Variants in CEBPZ observed in about 807,000 individuals in gnomAD.
The protein encoded by CEBPZ is CCAAT/enhancer-binding protein zeta.
CEBPZ carries 78 observed loss-of-function variants against 104.5 expected under a neutral mutation model. The observed-to-expected ratio is 0.75, with a 90% CI of 0.62 to 0.90. The LOEUF (loss-of-function observed/expected upper bound fraction) is 0.90. Ranked by LOEUF, CEBPZ falls within the 40% of genes least tolerant of loss-of-function variation. The pLI is 0.00. For missense variants in CEBPZ, 1,439 were observed against 1,233.5 expected (o/e 1.17, Z -2.50); for synonymous variants, 470 against 427.0 (o/e 1.10, Z -1.24).
In CEBPZ at chr2:37,201,915, G is replaced by A; in HGVS notation, c.3026-12C>T. Reference sequence around the variant, plus strand: ...AAGCTGTTTGAGACCTTTGAGAGAAGAAGAAAAGATGAGTGTACTACCACA... The same window carrying A: ...AAGCTGTTTGAGACCTTTGAGAGAAAAAGAAAAGATGAGTGTACTACCACA... On this transcript the variant is annotated splice_polypyrimidine_tract_variant and intron_variant, in intron 15 of 15. Transcript: ENST00000234170. The A allele has an allele frequency of 6.2e-7, 1 of 1,610,658 alleles. No homozygotes were observed. The highest frequency in any genetic ancestry group is 8.5e-7 in the Non-Finnish European group (1 of 1,178,958).
At chr2:37,221,001 ATAAG>A (rs2148358250) in intron 4 of CEBPZ, among the ~76,000 whole-genome samples, 1 of 152,228 alleles carries the variant, frequency 6.6e-6, no homozygotes, top group South Asian at 2.1e-4. Context: ...TGACTCAAAA[ATAAG>A]TAAGTAAAAG....
At chr2:37,213,008 C>T (rs1677776109) in intron 10 of CEBPZ, among the ~76,000 whole-genome samples, 1 of 152,082 alleles carries the variant, frequency 6.6e-6, no homozygotes, top group Non-Finnish European at 1.5e-5. Flanking sequence ...GATTGTGCCA[C>T]TGCACTCCAG....
chr2:37,226,902 A>G (rs1193524658), intron 2 of CEBPZ, among the ~76,000 whole-genome samples: 1 of 152,116 alleles, frequency 6.6e-6, no homozygotes, highest in Non-Finnish European at 1.5e-5. Context: ...CTTCATCTCC[A>G]TTAAAAAACA....
intron 5 of CEBPZ, among the ~76,000 whole-genome samples, chr2:37,217,987 G>T (rs931867323): frequency 6.6e-6 from 1 of 151,512 alleles, no homozygotes; most frequent in East Asian, 1.9e-4. Flanking sequence ...TAATTATGCA[G>T]CCAGGCGAGG....
At chr2:37,217,629 G>A (rs550969927) in intron 5 of CEBPZ, among the ~76,000 whole-genome samples, 2 of 152,218 alleles carry the variant, frequency 1.3e-5, no homozygotes, top group South Asian at 2.1e-4. Flanking sequence ...GCGGCCAGGC[G>A]CGGTGGCTCA....
At chr2:37,215,124 G>A (rs1295297032) in intron 8 of CEBPZ, among the ~76,000 whole-genome samples, 172 bp from the exon 9 acceptor site, 3 of 152,132 alleles carry the variant, frequency 2.0e-5, no homozygotes, top group African/African-American at 7.2e-5. Flanking sequence ...AAAAGTCTGT[G>A]TGAAGACCCC....
At chr2:37,218,472 A>G (rs770792295) in intron 5 of CEBPZ, among the ~76,000 whole-genome samples, 11 of 152,130 alleles carry the variant, frequency 7.2e-5, no homozygotes, top group Non-Finnish European at 1.0e-4. Context: ...CATAGCTGTG[A>G]ATTTTCTTCT....
chr2:37,222,096 G>C (rs1399583458), intron 4 of CEBPZ, among the ~76,000 whole-genome samples: 1 of 152,010 alleles, frequency 6.6e-6, no homozygotes, highest in African/African-American at 2.4e-5. Context: ...CCAGCCTGGC[G>C]AACATGGTGA....
At chr2:37,220,327 A>AT (rs1172475486) in intron 5 of CEBPZ, 58 bp downstream of exon 5, 18 of 572,354 alleles carry the variant, frequency 3.1e-5, no homozygotes, top group African/African-American at 2.6e-4. Flanking sequence ...AAAAAAAAAA[A>AT]AATATATATA....
intron 15 of CEBPZ, 92 bp downstream of exon 15, chr2:37,202,692 A>G (rs1356094801): frequency 5.5e-5 from 10 of 181,986 alleles, no homozygotes; most frequent in Admixed American, 2.1e-4. Flanking sequence ...AAAAAAAAAA[A>G]GAATAAATAA....
chr2:37,231,245 G>T, intron 1 of CEBPZ, 167 bp downstream of exon 1: 2 of 855,556 alleles, frequency 2.3e-6, no homozygotes, highest in Non-Finnish European at 3.9e-6. Context: ...TTTGTAAACA[G>T]CAGTGGAAAC....
Position 37,211,092 on chromosome 2 carries a change from GA to G in CEBPZ, c.2801-11del. 2 of 1,588,468 alleles carry G rather than the reference GA, an allele frequency of 1.3e-6. No individual in the cohort carries two copies. The highest frequency in any genetic ancestry group is 8.6e-7 in the Non-Finnish European group (1 of 1,167,306). Reference sequence around the variant, plus strand: ...GAGTGGACTTCAAGTTCTGTTACACGAAAAAATTTGCTAATAAGCAATTTAA... The same window carrying G: ...GAGTGGACTTCAAGTTCTGTTACACGAAAAATTTGCTAATAAGCAATTTAA... On this transcript the variant is annotated splice_polypyrimidine_tract_variant and intron_variant, in intron 12 of 15. Coordinates refer to ENST00000234170, the MANE Select transcript of CEBPZ (RefSeq NM_005760.3).
At chr2:37,218,208 A>G (rs1028095774) in intron 5 of CEBPZ, among the ~76,000 whole-genome samples, 48 of 152,014 alleles carry the variant, frequency 3.2e-4, no homozygotes, top group African/African-American at 1.1e-3. Context: ...CGGAGCTTGC[A>G]GTGAGCTGAG....
chr2:37,219,567 G>A (rs890074535), intron 5 of CEBPZ, among the ~76,000 whole-genome samples: 1 of 152,000 alleles, frequency 6.6e-6, no homozygotes, highest in African/African-American at 2.4e-5. Flanking sequence ...ATAATGTACT[G>A]GTATTACTAT....
At chr2:37,230,157 T>C (rs2148366506) in intron 1 of CEBPZ, among the ~76,000 whole-genome samples, 1 of 152,354 alleles carries the variant, frequency 6.6e-6, no homozygotes, top group South Asian at 2.1e-4. Context: ...AAATGATTTA[T>C]GCAGCCATAG....
chr2:37,223,087 T>C (rs1664806490), intron 3 of CEBPZ, 83 bp downstream of exon 3: 3 of 1,122,924 alleles, frequency 2.7e-6, no homozygotes, highest in East Asian at 2.4e-5. Context: ...ACTAGGTTAC[T>C]GTCATTTGAA....
rs1677239713 is a variant in CEBPZ at position 37,201,635 on chromosome 2, T to A, written c.*129A>T. 1.4e-6 allele frequency: 1 copy of A among 714,010 alleles called. No homozygotes were observed. The highest frequency in any genetic ancestry group is 2.5e-6 in the Non-Finnish European group (1 of 399,586). 44.2% of individuals were successfully genotyped at this position (714,010 alleles called of 1,614,324 possible). A position where few individuals can be genotyped will look rare whatever the true frequency, so the allele number is the denominator to read the frequency against. ...ACTTTATAAATGAGAGCTATTTTTA[T>A]TTATAGTTTATTACAAATCCACTGA... On this transcript the variant is annotated 3_prime_UTR_variant, in exon 16 of 16. Coordinates refer to ENST00000234170, the MANE Select transcript of CEBPZ (RefSeq NM_005760.3).
Position 37,217,336 on chromosome 2 carries a change from G to C in CEBPZ, c.2155-299C>G, listed in dbSNP as rs1015402782. On this transcript the variant is annotated intron_variant, in intron 5 of 15. Coordinates refer to ENST00000234170, the MANE Select transcript of CEBPZ (RefSeq NM_005760.3). ...GGACTGCCTGGGCCCAGGAGGTCGAGGCTGCAGTGAGCTGACATGGCACCA... is the reference window on the plus strand; with the variant it reads ...GGACTGCCTGGGCCCAGGAGGTCGACGCTGCAGTGAGCTGACATGGCACCA... Among the ~76,000 whole-genome samples, 3 of 152,106 alleles carry C rather than the reference G, an allele frequency of 2.0e-5. No individual in the cohort carries two copies. In the East Asian group the frequency reaches 5.8e-4, roughly 29 times the overall value.
chr2:37,230,312 T>C (rs1665022749), intron 1 of CEBPZ, among the ~76,000 whole-genome samples: 1 of 152,222 alleles, frequency 6.6e-6, no homozygotes, highest in South Asian at 2.1e-4. Context: ...AGTATGTATA[T>C]GCTTGAAAAG....
Sources: gnomAD v4.1 joint callset for allele counts (sites outside exome capture counted in the v4.1 genomes callset) on GRCh38, gnomAD v4.1.1 for gene constraint, MANE v1.5 for transcripts, NCBI Gene and HGNC (gene_info 2026-07-23, HGNC 2026-07-21) for gene names.